The following RBSN variants were observed in gnomAD, a reference collection of about 807,000 sequenced individuals.
RBSN encodes the protein rabenosyn, RAB effector, also known as rabenosyn-5.
In RBSN, 34 loss-of-function variants were observed where a neutral mutation model predicts 60.5. The ratio of observed to expected loss-of-function variants is 0.56; its 90% CI spans 0.43 to 0.75. The LOEUF (loss-of-function observed/expected upper bound fraction) is 0.75, where lower values mean the gene tolerates loss of function less well. RBSN is among the 30% of genes least tolerant of loss of function. The pLI, the probability that RBSN is intolerant of heterozygous loss-of-function variation, is 0.00. For missense variants in RBSN, 845 were observed against 986.8 expected (o/e 0.86, Z 1.92); for synonymous variants, 322 against 366.9 (o/e 0.88, Z 1.40).
rs553069934 is a variant in RBSN at position 15,093,523 on chromosome 3, T to C, written c.148+2450A>G. On this transcript the variant is annotated intron_variant, in intron 4 of 13. Transcript: ENST00000253699. ...CCTCCCACCTCAGCCTCCTGGGTAA[T>C]TGGGACTACGAGTGCGTGCCACTAT... Among the ~76,000 whole-genome samples the C allele has an allele frequency of 2.6e-5, 4 of 152,004 alleles. No individual in the cohort carries two copies. In the South Asian group the frequency reaches 6.2e-4, roughly 24 times the overall value.
intron 1 of RBSN, among the ~76,000 whole-genome samples, chr3:15,098,822 G>A (rs1283583309): frequency 6.6e-6 from 1 of 152,146 alleles, no homozygotes; most frequent in African/African-American, 2.4e-5. Context: ...ACCCACAGCT[G>A]CACAACCAAA....
intron 8 of RBSN, among the ~76,000 whole-genome samples, chr3:15,083,396 C>T (rs901414275): frequency 6.6e-6 from 1 of 152,178 alleles, no homozygotes; most frequent in African/African-American, 2.4e-5. Flanking sequence ...GTCAGCAGAA[C>T]TCTCTAGTGT....
intron 5 of RBSN, 86 bp downstream of exon 5, chr3:15,090,313 C>A (rs750347145): frequency 2.1e-6 from 3 of 1,444,766 alleles, no homozygotes; most frequent in African/African-American, 1.4e-5. Context: ...TTTACTGATG[C>A]CTCCTCAGCC....
intron 5 of RBSN, 118 bp downstream of exon 5, chr3:15,090,281 T>G: frequency 8.1e-6 from 9 of 1,117,302 alleles, no homozygotes; most frequent in Non-Finnish European, 1.1e-5. Context: ...ATAAGGTCCA[T>G]GAGAAGCTTA....
rs2042943825 is a variant in RBSN at position 15,072,415 on chromosome 3, G to A, written c.*1367C>T. 6.6e-6 allele frequency: 1 copy of A among 152,154 alleles called. No homozygotes were observed. 9.4% of individuals were successfully genotyped at this position (152,154 alleles called of 1,614,324 possible). A position where few individuals can be genotyped will look rare whatever the true frequency, so the allele number is the denominator to read the frequency against. ...TCAAAAAAAATAAAAAATCTCATCA[G>A]TGCCCCAAGTCAGGACACAATGAAC... On this transcript the variant is annotated 3_prime_UTR_variant, in exon 14 of 14. Coordinates refer to ENST00000253699, the MANE Select transcript of RBSN (RefSeq NM_022340.4).
At chr3:15,096,461 A>C in intron 3 of RBSN, 74 bp downstream of exon 3, 3 of 190,886 alleles carry the variant, frequency 1.6e-5, no homozygotes, top group Non-Finnish European at 2.1e-5. Flanking sequence ...AAAACCTAAA[A>C]TGTGAAAACA....
intron 10 of RBSN, among the ~76,000 whole-genome samples, chr3:15,078,779 C>CATATATATATAT (rs57572763): frequency 2.2e-4 from 11 of 50,676 alleles, no homozygotes; most frequent in African/African-American, 6.1e-4. Flanking sequence ...AAAAAAAATA[C>CATATATATATAT]ATATATATAT....
chr3:15,088,526 T>C (rs2043407787), intron 5 of RBSN, among the ~76,000 whole-genome samples: 1 of 152,032 alleles, frequency 6.6e-6, no homozygotes, highest in South Asian at 2.1e-4. Context: ...ATTACAGGCA[T>C]GTGCCACCAC....
At position 15,073,117 on chromosome 3, in the gene RBSN, T is replaced by C. The variant is rs1253388572; in HGVS notation, c.*665A>G. 6.6e-6 allele frequency: 1 copy of C among 152,184 alleles called. No individual in the cohort carries two copies. Among genetic ancestry groups the C allele is most frequent in the Non-Finnish European group, 1.5e-5 (1 of 68,036 alleles). 9.4% of individuals were successfully genotyped at this position (152,184 alleles called of 1,614,324 possible). A position where few individuals can be genotyped will look rare whatever the true frequency, so the allele number is the denominator to read the frequency against. ...CAAAAAAGAACTTAAACTGAGAAAA[T>C]AGACCCTGGTGAAATATTCCCATCA... On this transcript the variant is annotated 3_prime_UTR_variant, in exon 14 of 14. Coordinates refer to ENST00000253699, the MANE Select transcript of RBSN (RefSeq NM_022340.4).
chr3:15,074,732 A>C lies in RBSN; in HGVS notation c.1405T>G (p.Phe469Val), dbSNP rs1229579068. The change falls in exon 14 of 14, where the codon TTC (phenylalanine) becomes GTC (valine). Residue 469 changes from phenylalanine (F) to valine (V), a missense_variant. Coordinates refer to ENST00000253699, the MANE Select transcript of RBSN (RefSeq NM_022340.4). This position sits in a 1 kb window ranked among gnomAD's most constrained non-coding sequence, Gnocchi z 6.4. The part of the protein sequence containing the change: ...LLQQIHNITS[F>V]IRQAKAAGRM... Reference sequence around the variant, plus strand: ...CCCGCGGCCTTGGCCTGCCTGATGAATGATGTGATGTTGTGGATCTGCTGG... The same window carrying C: ...CCCGCGGCCTTGGCCTGCCTGATGACTGATGTGATGTTGTGGATCTGCTGG... The C allele has an allele frequency of 1.9e-6, 3 of 1,614,264 alleles. No individual in the cohort carries two copies. The highest frequency in any genetic ancestry group is 2.5e-6 in the Non-Finnish European group (3 of 1,180,046).
At position 15,084,918 on chromosome 3, in the gene RBSN, A is replaced by C; in HGVS notation, c.437-22T>G. 6.2e-7 allele frequency: 1 copy of C among 1,612,510 alleles called. No homozygotes were observed. Among genetic ancestry groups the C allele is most frequent in the Non-Finnish European group, 8.5e-7 (1 of 1,178,884 alleles). ...ATTGCTTTGGGAAGAGCAAACCAAC[A>C]AGAAAGCAGGCCATTTTAAAGAGAG... On this transcript the variant is annotated intron_variant, in intron 7 of 13. Transcript: ENST00000253699. The surrounding 1 kb of genome is among the most constrained non-coding windows in gnomAD (Gnocchi z 4.2).
chr3:15,081,837 T>C (rs2043212441), intron 9 of RBSN, among the ~76,000 whole-genome samples: 1 of 152,204 alleles, frequency 6.6e-6, no homozygotes, highest in South Asian at 2.1e-4. Context: ...TTGCACACTA[T>C]TTCCTCTCAG....
At chr3:15,076,680 C>T (rs2125155112) in intron 12 of RBSN, among the ~76,000 whole-genome samples, 1 of 152,204 alleles carries the variant, frequency 6.6e-6, no homozygotes, top group South Asian at 2.1e-4. Context: ...ATACTAAGTA[C>T]CATTATTACT....
chr3:15,081,058 AGG>A, intron 9 of RBSN: 1 of 451,640 alleles, frequency 2.2e-6, no homozygotes, highest in South Asian at 2.6e-5. Flanking sequence ...CTGTCACCCA[AGG>A]TGGAGTACAA....
In RBSN at chr3:15,085,052, G is replaced by T. The variant is rs781424857; in HGVS notation, c.391-7C>A. ...TTCTGTCAAATGCAGTGAGCTGACC[G>T]GAAGAAAATAGTGCCAAATGAAATT... On this transcript the variant is annotated splice_region_variant and splice_polypyrimidine_tract_variant and intron_variant, in intron 6 of 13. Coordinates refer to ENST00000253699, the MANE Select transcript of RBSN (RefSeq NM_022340.4). The T allele has an allele frequency of 6.2e-7, 1 of 1,613,998 alleles. No individual in the cohort carries two copies. The highest frequency in any genetic ancestry group is 8.5e-7 in the Non-Finnish European group (1 of 1,179,992).
chr3:15,082,541 ACT>A lies in RBSN; in HGVS notation c.664_665del (p.Ser222CysfsTer21), dbSNP rs773117926. On this transcript the variant is annotated frameshift_variant, in exon 9 of 14. Coordinates refer to ENST00000253699, the MANE Select transcript of RBSN (RefSeq NM_022340.4). LOFTEE classifies it high-confidence loss of function. The surrounding 1 kb of genome is among the most constrained non-coding windows in gnomAD (Gnocchi z 4.2). ...THTSPSQSPNSVHGSRRGSIS... is the reference protein window; with the variant it reads ...THTSPSQSPNXVHGSRRGSIS... ...TGCTGCCTCGGCGGGAGCCATGGAC[ACT>A]GTTGGGTGACTGGCTGGGGCTGGTG... 3 of 1,613,850 alleles carry A rather than the reference ACT, an allele frequency of 1.9e-6. No individual in the cohort carries two copies.
At chr3:15,079,677 CAA>C (rs1559343495) in intron 10 of RBSN, among the ~76,000 whole-genome samples, 1 of 152,112 alleles carries the variant, frequency 6.6e-6, no homozygotes, top group African/African-American at 2.4e-5. Context: ...AGAAGCCAGA[CAA>C]GAGAGATTTT....
chr3:15,094,591 A>G (rs1043023528), intron 4 of RBSN, among the ~76,000 whole-genome samples: 4 of 152,196 alleles, frequency 2.6e-5, no homozygotes, highest in Admixed American at 6.5e-5. Flanking sequence ...AACTCTAAAA[A>G]CTATAAAGCA....
intron 5 of RBSN, among the ~76,000 whole-genome samples, chr3:15,086,394 AG>A (rs1329595637): frequency 2.0e-5 from 3 of 152,268 alleles, no homozygotes; most frequent in African/African-American, 7.2e-5. Flanking sequence ...GAGGCCACCA[AG>A]TACCATATGA....
Sources: gnomAD v4.1 joint callset for allele counts (sites outside exome capture counted in the v4.1 genomes callset) on GRCh38, gnomAD v4.1.1 for gene constraint, Gnocchi (gnomAD v3.1) non-coding constraint, MANE v1.5 for transcripts, NCBI Gene and HGNC (gene_info 2026-07-23, HGNC 2026-07-21) for gene names.